SYCP2: variants seen among roughly 807,000 people sequenced by gnomAD.
SYCP2 encodes synaptonemal complex lateral element protein.
SYCP2 carries 55 observed loss-of-function variants against 211.3 expected under a neutral mutation model. The ratio of observed to expected loss-of-function variants is 0.26; its 90% CI spans 0.21 to 0.33. The LOEUF (loss-of-function observed/expected upper bound fraction) is 0.33, where lower values mean the gene tolerates loss of function less well. Among genes scored for constraint, SYCP2 ranks in the 10% least tolerant of loss-of-function variants. The pLI is 1.00. For synonymous variants in SYCP2, 570 were observed against 555.2 expected (o/e 1.03, Z -0.37); for missense variants, 1,731 against 1,752.0 (o/e 0.99, Z 0.21).
intron 2 of SYCP2, among the ~76,000 whole-genome samples, chr20:59,931,861 A>T (rs1380483707): frequency 1.3e-5 from 2 of 152,232 alleles, no homozygotes; most frequent in Non-Finnish European, 2.9e-5. Flanking sequence ...AAAGCACAGC[A>T]CTATCCACAA....
chr20:59,866,418 A>G, intron 40 of SYCP2, 26 bp from the exon 41 acceptor site: 1 of 1,563,024 alleles, frequency 6.4e-7, no homozygotes, highest in Non-Finnish European at 8.7e-7. Context: ...AATGAGATTA[A>G]TTTTAAAAAC....
Position 59,901,822 on chromosome 20 carries a change from C to CA in SYCP2, c.1034-13dup. 6.4e-7 allele frequency: 1 copy of CA among 1,567,424 alleles called. No individual in the cohort carries two copies. The highest frequency in any genetic ancestry group is 1.4e-5 in the African/African-American group (1 of 72,444). On this transcript the variant is annotated splice_polypyrimidine_tract_variant and intron_variant, in intron 15 of 44. Transcript: ENST00000357552. ...CTTTGATTCTCTCACTGTATAGAAA[C>CA]AACACTGATTAGTTTACGTTTCTAT...
intron 32 of SYCP2, 90 bp downstream of exon 32, chr20:59,877,918 A>G: frequency 9.8e-7 from 1 of 1,021,466 alleles, no homozygotes; most frequent in Non-Finnish European, 1.5e-6. Flanking sequence ...AACTGATAAC[A>G]AGGATAAAAT....
chr20:59,921,253 A>G (rs1184222171), intron 4 of SYCP2, 57 bp downstream of exon 4: 1 of 1,471,764 alleles, frequency 6.8e-7, no homozygotes, highest in African/African-American at 1.4e-5. Flanking sequence ...ACTTCCTTCT[A>G]AAACTAGAGT....
intron 26 of SYCP2, among the ~76,000 whole-genome samples, chr20:59,882,585 A>G (rs2059706614): frequency 6.6e-6 from 1 of 152,182 alleles, no homozygotes. Flanking sequence ...ATACAACGAA[A>G]TATTATTCAG....
chr20:59,900,059 T>C (rs755924681), intron 18 of SYCP2, 79 bp downstream of exon 18: 6 of 1,408,052 alleles, frequency 4.3e-6, no homozygotes, highest in Non-Finnish European at 6.0e-6. Flanking sequence ...AAATTCTAGA[T>C]GCTTCTTTCA....
chr20:59,915,449 A>C lies in SYCP2; in HGVS notation c.599+16T>G, dbSNP rs369934405. The C allele has an allele frequency of 1.3e-6, 2 of 1,502,514 alleles. No homozygotes were observed. Among genetic ancestry groups the C allele is most frequent in the Non-Finnish European group, 1.8e-6 (2 of 1,083,182 alleles). The allele number at this position is 1,502,514 out of a possible 1,614,324, so 93.1% of individuals were successfully genotyped here. ...TGGATTTTAAGAATAAAAACCATAT[A>C]AGTACAGATTATTACATGAGAATTA... On this transcript the variant is annotated intron_variant, in intron 9 of 44. Transcript: ENST00000357552.
chr20:59,911,568 CAGA>C (rs139749022), intron 14 of SYCP2, among the ~76,000 whole-genome samples, 179 bp downstream of exon 14: 2,515 of 152,196 alleles, frequency 0.017, 82 homozygotes, highest in African/African-American at 0.058. Flanking sequence ...AATAAAACAT[CAGA>C]AGTAGTTTTC....
In SYCP2 at chr20:59,882,627, T is replaced by C. The variant is rs533314556; in HGVS notation, c.2530-462A>G. On this transcript the variant is annotated intron_variant, in intron 26 of 44. Coordinates refer to ENST00000357552, the MANE Select transcript of SYCP2 (RefSeq NM_014258.4). ...AAAAAGAATGAAATCCTGTCACTTG[T>C]AGCAACATGGATGTAACTGGAGGCC... Among the ~76,000 whole-genome samples, 247 of 152,222 alleles carry C rather than the reference T, an allele frequency of 1.6e-3. 1 individual carries two copies. The highest frequency in any genetic ancestry group is 2.0e-3 in the Non-Finnish European group (139 of 68,010).
At position 59,866,509 on chromosome 20, in the gene SYCP2, T is replaced by C; in HGVS notation, c.4206A>G (p.Gln1402=). Residue 1402 remains glutamine (Q), a synonymous_variant, in exon 40 of 45, where the codon CAA becomes CAG. Coordinates refer to ENST00000357552, the MANE Select transcript of SYCP2 (RefSeq NM_014258.4). ...TTATTACAGACCTAGAGTCCTGACTTTGATGATTCATTGTTCTCAGATGTT... is the reference window on the plus strand; with the variant it reads ...TTATTACAGACCTAGAGTCCTGACTCTGATGATTCATTGTTCTCAGATGTT... ...AQQHLRTMNH[Q]SQDSRIKKLD... 4 of 1,608,600 alleles carry C rather than the reference T, an allele frequency of 2.5e-6. No individual in the cohort carries two copies. Among genetic ancestry groups the C allele is most frequent in the Non-Finnish European group, 3.4e-6 (4 of 1,177,764 alleles).
At chr20:59,885,857 C>T (rs1291523630) in intron 26 of SYCP2, 71 bp downstream of exon 26, 12 of 1,127,276 alleles carry the variant, frequency 1.1e-5, no homozygotes, top group South Asian at 2.8e-5. Flanking sequence ...TACCACTATG[C>T]TATTTTAGTG....
chr20:59,913,900 A>G, intron 12 of SYCP2, 75 bp downstream of exon 12: 1 of 1,060,644 alleles, frequency 9.4e-7, no homozygotes, highest in Non-Finnish European at 1.4e-6. Flanking sequence ...AAATGTATAA[A>G]GATGCAACAC....
intron 35 of SYCP2, among the ~76,000 whole-genome samples, chr20:59,871,048 G>C (rs1432402720): frequency 6.6e-6 from 1 of 151,798 alleles, no homozygotes; most frequent in African/African-American, 2.4e-5. Context: ...TTGTCATAGG[G>C]AAGTTGTGTA....
At position 59,911,746 on chromosome 20, in the gene SYCP2, T is replaced by G; in HGVS notation, c.972+4A>C. 2 of 1,482,894 alleles carry G rather than the reference T, an allele frequency of 1.3e-6. No homozygotes were observed. Among genetic ancestry groups the G allele is most frequent in the South Asian group, 1.3e-5 (1 of 78,498 alleles). 91.9% of individuals were successfully genotyped at this position (1,482,894 alleles called of 1,614,324 possible). A position where few individuals can be genotyped will look rare whatever the true frequency, so the allele number is the denominator to read the frequency against. On this transcript the variant is annotated splice_donor_region_variant and intron_variant, in intron 14 of 44. Transcript: ENST00000357552. ...AAGAATAATACCAACCAAATTAAAC[T>G]TACATCATTATCTCCAGCAATGTAG... is the stretch of plus-strand genomic sequence containing the variant.
rs1335880700 is a variant in SYCP2 at position 59,878,125 on chromosome 20, TATTTAAATTAA to T, written c.2942-91_2942-81del. ...AATTTATTAGAACATCATTTCAGCA[TATTTAAATTAA>T]AATAATAAAAAGTAGTAAGTTTTTA... On this transcript the variant is annotated intron_variant, in intron 31 of 44. Coordinates refer to ENST00000357552, the MANE Select transcript of SYCP2 (RefSeq NM_014258.4). 4 of 951,584 alleles carry T rather than the reference TATTTAAATTAA, an allele frequency of 4.2e-6. No homozygotes were observed. The Admixed American group carries it at 6.9e-5, about 16-fold the overall frequency. 58.9% of individuals were successfully genotyped at this position (951,584 alleles called of 1,614,324 possible). A position where few individuals can be genotyped will look rare whatever the true frequency, so the allele number is the denominator to read the frequency against.
chr20:59,873,274 C>T (rs2059488957), intron 35 of SYCP2, among the ~76,000 whole-genome samples: 2 of 152,168 alleles, frequency 1.3e-5, no homozygotes, highest in Non-Finnish European at 2.9e-5. Flanking sequence ...TTGTCAGCAT[C>T]AATACTCTTG....
intron 5 of SYCP2, among the ~76,000 whole-genome samples, chr20:59,919,883 A>G (rs2060509172): frequency 6.6e-6 from 1 of 151,678 alleles, no homozygotes; most frequent in Admixed American, 6.6e-5. Context: ...TAATAGAAGG[A>G]AGTAAATTAT....
In SYCP2 at chr20:59,869,711, A is replaced by G. The variant is rs2059413925; in HGVS notation, c.3741+87T>C. 9 of 691,802 alleles carry G rather than the reference A, an allele frequency of 1.3e-5. No homozygotes were observed. The Admixed American group carries it at 2.4e-4, about 19-fold the overall frequency. 42.9% of individuals were successfully genotyped at this position (691,802 alleles called of 1,614,324 possible). ...AACAGTTGAAAAGCATTAAAATATT[A>G]TAATTACCACTAAAGGTCAGTAATC... is the stretch of plus-strand genomic sequence containing the variant. On this transcript the variant is annotated intron_variant, in intron 36 of 44. Coordinates refer to ENST00000357552, the MANE Select transcript of SYCP2 (RefSeq NM_014258.4).
intron 4 of SYCP2, 85 bp downstream of exon 4, chr20:59,921,225 A>AT: frequency 5.8e-6 from 7 of 1,209,996 alleles, no homozygotes; most frequent in South Asian, 3.2e-5. Context: ...AAGCCTATTC[A>AT]TTTTTTTCTA....
Sources: allele counts gnomAD v4.1 joint callset (sites outside exome capture counted in the v4.1 genomes callset), GRCh38; gene constraint gnomAD v4.1.1; transcripts MANE v1.5; gene names NCBI Gene and HGNC (gene_info 2026-07-23, HGNC 2026-07-21).